PRKN: variants seen among roughly 807,000 people sequenced by gnomAD.
The protein encoded by PRKN is parkin RBR E3 ubiquitin protein ligase, also known as E3 ubiquitin-protein ligase parkin.
In PRKN, 56 loss-of-function variants were observed where a neutral mutation model predicts 59.5. The ratio of observed to expected loss-of-function variants is 0.94; its 90% CI spans 0.76 to 1.18. The LOEUF is 1.18. Ranked by LOEUF, PRKN falls within the 50% of genes most tolerant of loss-of-function variation. The pLI is 0.00. For synonymous variants in PRKN, 250 were observed against 222.1 expected, an observed-to-expected ratio of 1.13 and a Z score of -1.12; for missense variants, 657 against 596.4, an observed-to-expected ratio of 1.10 and a Z score of -1.06.
At chr6:162,338,556 C>G (rs1562682946) in intron 2 of PRKN, among the ~76,000 whole-genome samples, 2 of 152,174 alleles carry the variant, frequency 1.3e-5, no homozygotes, top group Admixed American at 6.5e-5. Context: ...ACTCAGTGCT[C>G]AATGGTGCCC....
intron 6 of PRKN, among the ~76,000 whole-genome samples, chr6:161,823,077 A>G (rs1317650603): frequency 6.6e-6 from 1 of 151,240 alleles, no homozygotes; most frequent in East Asian, 1.9e-4. Flanking sequence ...TGGGACGAGA[A>G]GCACATGCTA....
chr6:161,923,412 G>C (rs1414234718), intron 6 of PRKN, among the ~76,000 whole-genome samples: 1 of 152,278 alleles, frequency 6.6e-6, no homozygotes, highest in South Asian at 2.1e-4. Flanking sequence ...GAACCCGGGA[G>C]GTGGAGGCTG....
chr6:162,633,947 A>C (rs984475493), intron 1 of PRKN, among the ~76,000 whole-genome samples: 1 of 152,208 alleles, frequency 6.6e-6, no homozygotes, highest in Non-Finnish European at 1.5e-5. Context: ...AGTGGAAAAC[A>C]GTAAAGGAGA....
intron 6 of PRKN, among the ~76,000 whole-genome samples, chr6:161,901,855 C>T (rs1293441362): frequency 6.6e-6 from 1 of 152,114 alleles, no homozygotes; most frequent in Non-Finnish European, 1.5e-5. Context: ...CAGAAAGGGT[C>T]CTCTGACCCT....
Position 162,389,467 on chromosome 6 carries a change from C to A in PRKN, c.171+53843G>T, listed in dbSNP as rs1462429310. On this transcript the variant is annotated intron_variant, in intron 2 of 11. Coordinates refer to ENST00000366898, the MANE Select transcript of PRKN (RefSeq NM_004562.3). ...AACAATGATTAAAAGAAATAAAAAA[C>A]CTTTGCATCTTGGCATGCTCATTTA... Among the ~76,000 whole-genome samples the A allele has an allele frequency of 2.6e-5, 4 of 152,140 alleles. No homozygotes were observed. The East Asian group carries it at 5.8e-4, about 22-fold the overall frequency.
intron 7 of PRKN, among the ~76,000 whole-genome samples, chr6:161,678,000 A>G (rs1785151975): frequency 6.6e-6 from 1 of 152,160 alleles, no homozygotes; most frequent in African/African-American, 2.4e-5. Flanking sequence ...ATAGTCAAGG[A>G]TGATGGTTTT....
intron 1 of PRKN, among the ~76,000 whole-genome samples, chr6:162,528,637 T>A (rs754841821): frequency 6.6e-6 from 1 of 151,830 alleles, no homozygotes; most frequent in Non-Finnish European, 1.5e-5. Flanking sequence ...TGCAAAGAGT[T>A]GATATGAAAA....
chr6:162,283,556 C>A (rs1368607274), intron 2 of PRKN, among the ~76,000 whole-genome samples: 2 of 152,230 alleles, frequency 1.3e-5, no homozygotes, highest in South Asian at 2.1e-4. Flanking sequence ...CAGTCTTGCT[C>A]TGTCGCCCAG....
intron 6 of PRKN, among the ~76,000 whole-genome samples, chr6:161,955,131 C>A (rs1780124955): frequency 6.6e-6 from 1 of 152,162 alleles, no homozygotes. Context: ...CTTCTTCCAC[C>A]TAGAGCAGGC....
At chr6:161,883,550 A>AT (rs1795022378) in intron 6 of PRKN, among the ~76,000 whole-genome samples, 2 of 152,094 alleles carry the variant, frequency 1.3e-5, no homozygotes, top group Non-Finnish European at 2.9e-5. Context: ...GAAACACAAC[A>AT]CTGCAGACTG....
intron 7 of PRKN, among the ~76,000 whole-genome samples, chr6:161,743,596 T>A (rs1233028579): frequency 6.6e-6 from 1 of 151,728 alleles, no homozygotes; most frequent in Non-Finnish European, 1.5e-5. Context: ...CAACCCAACA[T>A]ATAATTCACG....
intron 1 of PRKN, among the ~76,000 whole-genome samples, chr6:162,658,710 A>G (rs1212093564): frequency 5.3e-5 from 8 of 151,468 alleles, no homozygotes; most frequent in African/African-American, 7.3e-5. Flanking sequence ...AAAAGAAAAC[A>G]AAAGAAAAAA....
chr6:162,193,838 C>A (rs975202360), intron 4 of PRKN, among the ~76,000 whole-genome samples: 1 of 152,172 alleles, frequency 6.6e-6, no homozygotes, highest in African/African-American at 2.4e-5. Context: ...CAGTGTACAA[C>A]TGCCTGGAGC....
At chr6:161,727,024 C>T (rs143626231) in intron 7 of PRKN, among the ~76,000 whole-genome samples, 148 of 152,222 alleles carry the variant, frequency 9.7e-4, no homozygotes, top group Non-Finnish European at 1.7e-3. Flanking sequence ...TCTTCCCCTG[C>T]CTGTAGTGTC....
At position 161,748,422 on chromosome 6, in the gene PRKN, C is replaced by A. The variant is rs533076032; in HGVS notation, c.871+37350G>T. ...AACTCAGACTATAAACTGCCCTAAGCTCCCAGAGTAGAAAGCATGAAACTA... is the reference window on the plus strand; with the variant it reads ...AACTCAGACTATAAACTGCCCTAAGATCCCAGAGTAGAAAGCATGAAACTA... On this transcript the variant is annotated intron_variant, in intron 7 of 11. Transcript: ENST00000366898. 2.4e-4 allele frequency among the ~76,000 whole-genome samples: 37 copies of A among 151,900 alleles called. No homozygotes were observed. The South Asian group carries it at 7.5e-3, about 31-fold the overall frequency.
chr6:161,927,066 G>C (rs937362451), intron 6 of PRKN, among the ~76,000 whole-genome samples: 1 of 151,866 alleles, frequency 6.6e-6, no homozygotes, highest in Non-Finnish European at 1.5e-5. Context: ...TAGATACTTC[G>C]TGTGTGTGGG....
At chr6:161,788,250 C>T (rs764193038) in intron 6 of PRKN, among the ~76,000 whole-genome samples, 11 of 152,174 alleles carry the variant, frequency 7.2e-5, no homozygotes, top group Non-Finnish European at 1.5e-5. Context: ...TGACATCCTG[C>T]TATTTGGAGA....
At chr6:161,914,240 C>T (rs1778470347) in intron 6 of PRKN, among the ~76,000 whole-genome samples, 1 of 152,112 alleles carries the variant, frequency 6.6e-6, no homozygotes, top group Non-Finnish European at 1.5e-5. Context: ...ATTATATATA[C>T]TGATCTCTGA....
intron 1 of PRKN, among the ~76,000 whole-genome samples, chr6:162,510,949 A>G (rs1777585489): frequency 7.8e-6 from 1 of 128,500 alleles, no homozygotes; most frequent in Non-Finnish European, 1.7e-5. Context: ...ATAAAAAAAC[A>G]AAACATATAT....
Sources: gnomAD v4.1 joint callset for allele counts (sites outside exome capture counted in the v4.1 genomes callset) on GRCh38, gnomAD v4.1.1 for gene constraint, MANE v1.5 for transcripts, NCBI Gene and HGNC (gene_info 2026-07-23, HGNC 2026-07-21) for gene names.